EYA2: variants seen among roughly 807,000 people sequenced by gnomAD.
The protein encoded by EYA2 is protein phosphatase EYA2.
EYA2 carries 31 observed loss-of-function variants against 69.2 expected under a neutral mutation model. The ratio of observed to expected loss-of-function variants is 0.45; its 90% CI spans 0.34 to 0.60. The LOEUF is 0.60. EYA2 is among the 20% of genes least tolerant of loss of function. EYA2 has a pLI of 0.02. For synonymous variants in EYA2, 257 were observed against 279.4 expected (o/e 0.92, Z 0.80); for missense variants, 622 against 701.2 (o/e 0.89, Z 1.28).
At chr20:47,152,816 A>G (rs1157780136) in intron 10 of EYA2, among the ~76,000 whole-genome samples, 1 of 151,356 alleles carries the variant, frequency 6.6e-6, no homozygotes, top group South Asian at 2.1e-4. Flanking sequence ...GTCTCAAAAA[A>G]AAAAAAAGAA....
chr20:47,005,252 C>G (rs1473218319), intron 4 of EYA2, among the ~76,000 whole-genome samples, 168 bp downstream of exon 4: 2 of 152,186 alleles, frequency 1.3e-5, no homozygotes, highest in Non-Finnish European at 1.5e-5. Context: ...AATTCTATAG[C>G]CTATAATATC....
intron 9 of EYA2, among the ~76,000 whole-genome samples, chr20:47,110,788 A>G (rs1461760605): frequency 6.6e-6 from 1 of 152,258 alleles, no homozygotes; most frequent in Non-Finnish European, 1.5e-5. Context: ...TACAGCAGAA[A>G]TAAGATTCCA....
At chr20:46,940,171 A>G (rs1986092739) in intron 1 of EYA2, among the ~76,000 whole-genome samples, 1 of 152,238 alleles carries the variant, frequency 6.6e-6, no homozygotes, top group South Asian at 2.1e-4. Flanking sequence ...AAGCAGATGA[A>G]TAGAGGTGGG....
At chr20:46,980,245 G>C (rs1202184005) in intron 1 of EYA2, among the ~76,000 whole-genome samples, 2 of 152,190 alleles carry the variant, frequency 1.3e-5, no homozygotes, top group Non-Finnish European at 2.9e-5. Flanking sequence ...TGCATGCAGA[G>C]AGATTTAAGC....
intron 14 of EYA2, among the ~76,000 whole-genome samples, chr20:47,181,175 A>G (rs914666231): frequency 2.0e-5 from 3 of 152,222 alleles, no homozygotes; most frequent in Non-Finnish European, 2.9e-5. Context: ...ATACAGGCAA[A>G]GCTGCTGTAA....
intron 11 of EYA2, among the ~76,000 whole-genome samples, chr20:47,171,958 T>C (rs184689277): frequency 1.5e-3 from 223 of 151,782 alleles, no homozygotes; most frequent in African/African-American, 4.6e-3. Context: ...CTGGGTGTGG[T>C]GGAGGGCACC....
chr20:47,166,000 G>A (rs1315368126), intron 10 of EYA2, among the ~76,000 whole-genome samples: 1 of 151,882 alleles, frequency 6.6e-6, no homozygotes, highest in Non-Finnish European at 1.5e-5. Context: ...GACCAGCCTG[G>A]GCAACATATT....
At chr20:47,149,101 T>G (rs192462368) in intron 10 of EYA2, among the ~76,000 whole-genome samples, 8 of 151,872 alleles carry the variant, frequency 5.3e-5, no homozygotes, top group Admixed American at 4.6e-4. Flanking sequence ...AAAAAACAAG[T>G]ATTATTTATG....
intron 4 of EYA2, among the ~76,000 whole-genome samples, chr20:47,009,392 G>C (rs907778886): frequency 6.6e-6 from 1 of 152,184 alleles, no homozygotes; most frequent in African/African-American, 2.4e-5. Flanking sequence ...TTAAATACCT[G>C]CAGGAAATAA....
chr20:46,963,556 C>A lies in EYA2; in HGVS notation c.-10-26445C>A, dbSNP rs199878653. Among the ~76,000 whole-genome samples the A allele has an allele frequency of 7.2e-5, 11 of 152,350 alleles. No individual in the cohort carries two copies. The East Asian group carries it at 2.1e-3, about 29-fold the overall frequency. ...GGAGGAAATAAAACAGGGTCATGTG[C>A]AAGACCTAGGGGTCTTCCATACTCA... is the stretch of plus-strand genomic sequence containing the variant. On this transcript the variant is annotated intron_variant, in intron 1 of 15. Coordinates refer to ENST00000327619, the MANE Select transcript of EYA2 (RefSeq NM_005244.5).
chr20:46,993,367 C>T (rs1472166086), intron 2 of EYA2, among the ~76,000 whole-genome samples: 1 of 151,418 alleles, frequency 6.6e-6, no homozygotes, highest in Non-Finnish European at 1.5e-5. Flanking sequence ...GGCCCAGCCC[C>T]TGGCCCCTTT....
chr20:47,161,098 G>C, intron 10 of EYA2: 1 of 315,170 alleles, frequency 3.2e-6, no homozygotes, highest in Non-Finnish European at 5.9e-6. Context: ...AGCAGCTTTT[G>C]GGCATGGGGA....
chr20:46,943,444 C>G (rs1986238568), intron 1 of EYA2, among the ~76,000 whole-genome samples: 1 of 152,204 alleles, frequency 6.6e-6, no homozygotes, highest in South Asian at 2.1e-4. Context: ...AAATGTATCT[C>G]TCTCCCAGAG....
intron 1 of EYA2, among the ~76,000 whole-genome samples, chr20:46,960,429 T>C (rs1175013119): frequency 1.3e-5 from 2 of 152,128 alleles, no homozygotes; most frequent in African/African-American, 4.8e-5. Flanking sequence ...CCTGGGGGGC[T>C]TTACATGAAT....
At chr20:47,145,165 G>C (rs575356837) in intron 10 of EYA2, among the ~76,000 whole-genome samples, 2 of 152,084 alleles carry the variant, frequency 1.3e-5, no homozygotes, top group South Asian at 4.2e-4. Flanking sequence ...TAATAAAAAG[G>C]ATATGAAGAA....
At chr20:47,029,470 C>T (rs1236956201) in intron 5 of EYA2, among the ~76,000 whole-genome samples, 2 of 152,150 alleles carry the variant, frequency 1.3e-5, no homozygotes, top group Non-Finnish European at 2.9e-5. Flanking sequence ...CAGTGGGTGG[C>T]CAATTTGGGG....
chr20:46,932,667 G>C (rs1237900641), intron 1 of EYA2, among the ~76,000 whole-genome samples: 1 of 152,202 alleles, frequency 6.6e-6, no homozygotes, highest in Admixed American at 6.5e-5. Flanking sequence ...TGAATCATCT[G>C]AGGTCAGGAG....
At chr20:47,005,196 T>C in intron 4 of EYA2, 112 bp downstream of exon 4, 2 of 1,245,752 alleles carry the variant, frequency 1.6e-6, no homozygotes, top group African/African-American at 1.5e-5. Flanking sequence ...AAGCTGATTT[T>C]GGATTAGAGA....
chr20:47,133,831 T>C (rs918414659), intron 9 of EYA2, among the ~76,000 whole-genome samples: 1 of 152,220 alleles, frequency 6.6e-6, no homozygotes, highest in African/African-American at 2.4e-5. Flanking sequence ...CAGGGTCTTA[T>C]TGGGGGTCAG....
Sources: gnomAD v4.1 joint callset for allele counts (sites outside exome capture counted in the v4.1 genomes callset) on GRCh38, gnomAD v4.1.1 for gene constraint, MANE v1.5 for transcripts, NCBI Gene and HGNC (gene_info 2026-07-23, HGNC 2026-07-21) for gene names.